FSHR: variants seen among roughly 807,000 people sequenced by gnomAD.
FSHR encodes the protein follicle-stimulating hormone receptor.
Under a neutral mutation model 52.1 loss-of-function variants are expected in FSHR, and 46 were observed. That is an observed-to-expected ratio of 0.88 (90% CI 0.70 to 1.13). The LOEUF is 1.13. Among genes scored for constraint, FSHR ranks in the 50% most tolerant of loss-of-function variants. FSHR has a pLI of 0.00. For missense variants in FSHR, 964 were observed against 834.6 expected (o/e 1.16, Z -1.91); for synonymous variants, 399 against 309.6 (o/e 1.29, Z -3.03).
intron 4 of FSHR, among the ~76,000 whole-genome samples, chr2:49,006,376 C>T (rs112691637): frequency 1.3e-5 from 2 of 151,960 alleles, no homozygotes; most frequent in African/African-American, 2.4e-5. Flanking sequence ...TAGGCTTAAA[C>T]TTCTCTGCCT....
At chr2:48,976,977 G>A (rs1160189345) in intron 8 of FSHR, among the ~76,000 whole-genome samples, 1 of 151,936 alleles carries the variant, frequency 6.6e-6, no homozygotes, top group African/African-American at 2.4e-5. Flanking sequence ...TCGTGTCTCT[G>A]TCTCCTTCAG....
chr2:49,057,400 C>T (rs377433909), intron 2 of FSHR, among the ~76,000 whole-genome samples: 10 of 151,912 alleles, frequency 6.6e-5, no homozygotes, highest in African/African-American at 2.2e-4. Context: ...TTAAAGATTG[C>T]TATGAACAAG....
At chr2:48,990,854 C>T (rs1019203579) in intron 4 of FSHR, among the ~76,000 whole-genome samples, 6 of 151,330 alleles carry the variant, frequency 4.0e-5, no homozygotes, top group South Asian at 2.1e-4. Context: ...GAAACTTACA[C>T]TTCAGTCACA....
chr2:49,069,341 T>A (rs748627082), intron 1 of FSHR, among the ~76,000 whole-genome samples: 10 of 152,184 alleles, frequency 6.6e-5, no homozygotes, highest in Admixed American at 2.6e-4. Flanking sequence ...GATATCCTCA[T>A]GGCTTGTTAT....
At chr2:49,114,643 T>C (rs948572401) in intron 1 of FSHR, among the ~76,000 whole-genome samples, 1 of 151,998 alleles carries the variant, frequency 6.6e-6, no homozygotes, top group African/African-American at 2.4e-5. Flanking sequence ...AAAGGGACAA[T>C]ATGTGTGAAA....
intron 2 of FSHR, among the ~76,000 whole-genome samples, chr2:49,053,682 G>C (rs1668952263): frequency 1.3e-5 from 2 of 151,814 alleles, no homozygotes; most frequent in Admixed American, 1.3e-4. Context: ...TCTATTCCTG[G>C]TTCTTAAAAA....
chr2:48,978,169 TGAGGCAGGA>T (rs1443916446), intron 8 of FSHR, among the ~76,000 whole-genome samples: 3 of 152,196 alleles, frequency 2.0e-5, no homozygotes, highest in Non-Finnish European at 4.4e-5. Context: ...AGTAAGAGGC[TGAGGCAGGA>T]GAGGCAGGAG....
At chr2:48,994,332 C>G (rs768404120) in intron 4 of FSHR, among the ~76,000 whole-genome samples, 1 of 152,106 alleles carries the variant, frequency 6.6e-6, no homozygotes, top group African/African-American at 2.4e-5. Flanking sequence ...CATTTAACAT[C>G]AATTGCATGA....
At chr2:48,988,354 A>T (rs1417387176) in intron 6 of FSHR, among the ~76,000 whole-genome samples, 1 of 152,220 alleles carries the variant, frequency 6.6e-6, no homozygotes, top group Admixed American at 6.5e-5. Flanking sequence ...GATCCCAGGC[A>T]TACTTAGATA....
chr2:48,998,615 G>A (rs1676128159), intron 4 of FSHR, among the ~76,000 whole-genome samples: 4 of 151,936 alleles, frequency 2.6e-5, no homozygotes. Flanking sequence ...AACAGTATTT[G>A]CATAAAAGGG....
chr2:48,964,643 C>G (rs1049360515), intron 9 of FSHR, among the ~76,000 whole-genome samples: 2 of 152,110 alleles, frequency 1.3e-5, no homozygotes, highest in Non-Finnish European at 2.9e-5. Flanking sequence ...TGAACAGTTT[C>G]CTAGTGAGTG....
chr2:49,144,746 T>C (rs1369691778), intron 1 of FSHR, among the ~76,000 whole-genome samples: 5 of 152,136 alleles, frequency 3.3e-5, no homozygotes, highest in Non-Finnish European at 7.4e-5. Context: ...CTTTGATGGG[T>C]ACATGGTAGT....
chr2:49,038,664 ATAATAATAC>A (rs1572666007), intron 2 of FSHR, among the ~76,000 whole-genome samples: 6 of 143,314 alleles, frequency 4.2e-5, no homozygotes, highest in South Asian at 2.2e-4. Context: ...AATAATAATA[ATAATAATAC>A]TGGTTTAGGG....
chr2:49,078,493 A>G lies in FSHR; in HGVS notation c.153-10203T>C, dbSNP rs182060804. On this transcript the variant is annotated intron_variant, in intron 1 of 9. Transcript: ENST00000406846. The stretch of plus-strand genomic sequence containing the variant: ...GACAGGGACAATAAAAGGAAATAAT[A>G]TAGGGACAATGTGCATTTAGCAGAG... 2.5e-4 allele frequency among the ~76,000 whole-genome samples: 38 copies of G among 152,318 alleles called. No homozygotes were observed. The East Asian group carries it at 6.2e-3, about 25-fold the overall frequency.
chr2:49,046,509 C>G (rs945845281), intron 2 of FSHR, among the ~76,000 whole-genome samples: 1 of 152,162 alleles, frequency 6.6e-6, no homozygotes, highest in Non-Finnish European at 1.5e-5. Flanking sequence ...TAGTAAGATT[C>G]TTATGATCAG....
At chr2:49,064,476 T>C (rs1359057468) in intron 2 of FSHR, among the ~76,000 whole-genome samples, 1 of 152,142 alleles carries the variant, frequency 6.6e-6, no homozygotes, top group Non-Finnish European at 1.5e-5. Context: ...CCTTCCACCA[T>C]GTGAGGACTC....
chr2:49,098,722 T>C (rs1226998156), intron 1 of FSHR, among the ~76,000 whole-genome samples: 1 of 147,346 alleles, frequency 6.8e-6, no homozygotes. Flanking sequence ...ATATTATCCA[T>C]ATATTACCCA....
In FSHR at chr2:48,968,692, A is replaced by G; in HGVS notation, c.854+6T>C. 6.2e-7 allele frequency: 1 copy of G among 1,614,000 alleles called. No individual in the cohort carries two copies. The highest frequency in any genetic ancestry group is 8.5e-7 in the Non-Finnish European group (1 of 1,179,904). ...TGCCTGAGCAGGGCTTAAAGGATGG[A>G]CTCACATTTGCCGTCTCCAGTTTGC... On this transcript the variant is annotated splice_donor_region_variant and intron_variant, in intron 9 of 9. Coordinates refer to ENST00000406846, the MANE Select transcript of FSHR (RefSeq NM_000145.4).
In FSHR at chr2:49,038,662, T is replaced by A. The variant is rs1475498320; in HGVS notation, c.225-18502A>T. ...ATAATAATAATAATAATAATAATAA[T>A]AATAATAATACTGGTTTAGGGGAAT... On this transcript the variant is annotated intron_variant, in intron 2 of 9. Transcript: ENST00000406846. Among the ~76,000 whole-genome samples, 15 of 145,836 alleles carry A rather than the reference T, an allele frequency of 1.0e-4. 1 individual carries two copies. The highest frequency in any genetic ancestry group is 1.8e-4 in the African/African-American group (7 of 39,990).
Sources: allele counts gnomAD v4.1 joint callset (sites outside exome capture counted in the v4.1 genomes callset), GRCh38; gene constraint gnomAD v4.1.1; transcripts MANE v1.5; gene names NCBI Gene and HGNC (gene_info 2026-07-23, HGNC 2026-07-21).